Variants in TMEM178B observed in about 807,000 individuals in gnomAD.
TMEM178B encodes the protein transmembrane protein 178B.
In TMEM178B, 5 loss-of-function variants were observed where a neutral mutation model predicts 31.0. The ratio of observed to expected loss-of-function variants is 0.16; its 90% CI spans 0.08 to 0.34. The LOEUF (loss-of-function observed/expected upper bound fraction) is 0.34. TMEM178B is among the 10% of genes least tolerant of loss of function. The pLI, the probability that TMEM178B is intolerant of heterozygous loss-of-function variation, is 1.00. For missense variants in TMEM178B, 275 were observed against 400.3 expected (o/e 0.69, Z 2.67); for synonymous variants, 164 against 164.0 (o/e 1.00, Z 0.00).
At chr7:141,106,109 A>G (rs1398238850) in intron 1 of TMEM178B, among the ~76,000 whole-genome samples, 2 of 151,174 alleles carry the variant, frequency 1.3e-5, no homozygotes, top group Non-Finnish European at 3.0e-5. Context: ...AAAGAAAAGA[A>G]AAAAGGGTCA....
At chr7:141,193,439 G>A (rs1435420367) in intron 1 of TMEM178B, among the ~76,000 whole-genome samples, 2 of 152,218 alleles carry the variant, frequency 1.3e-5, no homozygotes, top group Non-Finnish European at 2.9e-5. Context: ...AGCCCTTCCA[G>A]GGTCAGGTGA....
chr7:141,373,198 C>G (rs1800149790), intron 2 of TMEM178B, among the ~76,000 whole-genome samples: 1 of 152,180 alleles, frequency 6.6e-6, no homozygotes, highest in African/African-American at 2.4e-5. Flanking sequence ...GCTCTGGAAA[C>G]AGGAACTCTG....
At chr7:141,257,481 T>C (rs1797945954) in intron 2 of TMEM178B, among the ~76,000 whole-genome samples, 1 of 152,372 alleles carries the variant, frequency 6.6e-6, no homozygotes, top group South Asian at 2.1e-4. Flanking sequence ...TGTTGGAATA[T>C]GTGGGGATTC....
chr7:141,135,808 C>CT (rs1271439331), intron 1 of TMEM178B, among the ~76,000 whole-genome samples: 2 of 152,088 alleles, frequency 1.3e-5, no homozygotes, highest in East Asian at 3.8e-4. Context: ...CCTAATGATG[C>CT]ACCTCAGGAA....
intron 3 of TMEM178B, among the ~76,000 whole-genome samples, chr7:141,440,424 G>A (rs1369152480): frequency 1.3e-5 from 2 of 152,244 alleles, no homozygotes; most frequent in East Asian, 3.9e-4. Flanking sequence ...AGCCAGAGTT[G>A]GGAACTAGTG....
intron 2 of TMEM178B, among the ~76,000 whole-genome samples, chr7:141,295,163 T>G (rs1452994496): frequency 1.3e-5 from 2 of 152,186 alleles, no homozygotes; most frequent in Non-Finnish European, 2.9e-5. Context: ...ACGCTTGCTC[T>G]GCTATTCTGT....
chr7:141,334,337 A>G (rs531985918), intron 2 of TMEM178B, among the ~76,000 whole-genome samples: 42 of 152,326 alleles, frequency 2.8e-4, no homozygotes, highest in African/African-American at 8.7e-4. Context: ...AAATGGGCAT[A>G]ATAACATCTC....
intron 2 of TMEM178B, among the ~76,000 whole-genome samples, chr7:141,233,593 G>A (rs1797481101): frequency 6.6e-6 from 1 of 152,168 alleles, no homozygotes; most frequent in Admixed American, 6.5e-5. Context: ...ATGTCCCACT[G>A]GGGTATGTGT....
chr7:141,245,366 T>G (rs1186285896), intron 2 of TMEM178B, among the ~76,000 whole-genome samples: 3 of 151,102 alleles, frequency 2.0e-5, no homozygotes, highest in African/African-American at 7.3e-5. Flanking sequence ...GCTTCTGGAG[T>G]GGAACTGGGG....
intron 2 of TMEM178B, among the ~76,000 whole-genome samples, chr7:141,405,017 C>T (rs1019307585): frequency 2.0e-5 from 3 of 152,246 alleles, no homozygotes; most frequent in African/African-American, 7.2e-5. Context: ...CTTTTAGGCC[C>T]TACCCTCTCT....
At chr7:141,249,148 A>G (rs1797787922) in intron 2 of TMEM178B, among the ~76,000 whole-genome samples, 1 of 152,208 alleles carries the variant, frequency 6.6e-6, no homozygotes, top group African/African-American at 2.4e-5. Context: ...TGTAGCTCCC[A>G]TAATTCCCAT....
Position 141,463,191 on chromosome 7 carries a change from C to T in TMEM178B, c.635-7345C>T, listed in dbSNP as rs145972328. Among the ~76,000 whole-genome samples the T allele has an allele frequency of 3.0e-3, 458 of 152,264 alleles. No individual in the cohort carries two copies. The Middle Eastern group carries it at 0.048, about 16-fold the overall frequency. On this transcript the variant is annotated intron_variant, in intron 3 of 3. Transcript: ENST00000565468. ...TGGCACAGAAAGGGTAATTAGTTTT[C>T]GTTTCTCATTCCAACCAGCTGCGAC...
intron 2 of TMEM178B, among the ~76,000 whole-genome samples, chr7:141,322,906 T>G (rs890188649): frequency 3.9e-5 from 6 of 152,212 alleles, no homozygotes; most frequent in Admixed American, 2.6e-4. Flanking sequence ...GAAACATTAA[T>G]TAGTGAGCTA....
chr7:141,511,160 G>A, the TMEM178B span, among the ~76,000 whole-genome samples: 1 of 151,420 alleles, frequency 6.6e-6, no homozygotes, highest in South Asian at 2.1e-4. Context: ...TAGTGTAACA[G>A]AAGAAAGTCA....
chr7:141,139,513 C>G (rs1795732728), intron 1 of TMEM178B, among the ~76,000 whole-genome samples: 1 of 151,896 alleles, frequency 6.6e-6, no homozygotes, highest in African/African-American at 2.4e-5. Context: ...ACCATGCCTG[C>G]CTAATTTTTT....
intron 2 of TMEM178B, among the ~76,000 whole-genome samples, chr7:141,254,906 G>T (rs537842192): frequency 6.6e-6 from 1 of 152,204 alleles, no homozygotes; most frequent in South Asian, 2.1e-4. Context: ...ATGAATCAGG[G>T]GGCAGTCTTT....
rs145277783 is a variant in TMEM178B, at chr7:141,388,087, C to T, written c.497-49521C>T. Reference sequence around the variant, plus strand: ...GGTTGTGACCGCAGATGACATTATACGACATGTCTGTCAGTGAAGCAGCTT... The same window carrying T: ...GGTTGTGACCGCAGATGACATTATATGACATGTCTGTCAGTGAAGCAGCTT... On this transcript the variant is annotated intron_variant, in intron 2 of 3. Transcript: ENST00000565468. Among the ~76,000 whole-genome samples, 105 of 152,290 alleles carry T rather than the reference C, an allele frequency of 6.9e-4. No homozygotes were observed. The East Asian group carries it at 7.7e-3, about 11-fold the overall frequency.
At position 141,173,437 on chromosome 7, in the gene TMEM178B, C is replaced by A. The variant is rs921796303; in HGVS notation, c.383-39154C>A. Among the ~76,000 whole-genome samples, 12 of 152,114 alleles carry A rather than the reference C, an allele frequency of 7.9e-5. 1 individual carries two copies. Among genetic ancestry groups the A allele is most frequent in the African/African-American group, 2.9e-4 (12 of 41,422 alleles). ...TTGAACGAGTCAGTTACTCCCTGAC[C>A]ACGCTGCCTCCAAGGAAGGCTTCAC... On this transcript the variant is annotated intron_variant, in intron 1 of 3. Coordinates refer to ENST00000565468, the MANE Select transcript of TMEM178B (RefSeq NM_001195278.2).
intron 3 of TMEM178B, among the ~76,000 whole-genome samples, chr7:141,453,015 C>T (rs1350610770): frequency 3.3e-5 from 5 of 152,224 alleles, no homozygotes; most frequent in Non-Finnish European, 5.9e-5. Flanking sequence ...CTCCATGACA[C>T]CCTTTTCTGC....
Sources: allele counts gnomAD v4.1 joint callset (sites outside exome capture counted in the v4.1 genomes callset), GRCh38; gene constraint gnomAD v4.1.1; transcripts MANE v1.5; gene names NCBI Gene and HGNC (gene_info 2026-07-23, HGNC 2026-07-21).